The following AFF1 variants were observed in gnomAD, a reference collection of about 807,000 sequenced individuals.
AFF1 encodes the protein ALF transcription elongation factor 1.
Under a neutral mutation model 121.7 loss-of-function variants are expected in AFF1, and 48 were observed. The ratio of observed to expected loss-of-function variants is 0.39; its 90% CI spans 0.31 to 0.50. The LOEUF (loss-of-function observed/expected upper bound fraction) is 0.50. Among genes scored for constraint, AFF1 ranks in the 20% least tolerant of loss-of-function variants. The pLI, the probability that AFF1 is intolerant of heterozygous loss-of-function variation, is 0.76. For synonymous variants in AFF1, 613 were observed against 563.0 expected, an observed-to-expected ratio of 1.09 and a Z score of -1.26; for missense variants, 1,523 against 1,511.7, an observed-to-expected ratio of 1.01 and a Z score of -0.12.
At chr4:86,946,233 C>T (rs1282315588) in intron 1 of AFF1, among the ~76,000 whole-genome samples, 1 of 152,164 alleles carries the variant, frequency 6.6e-6, no homozygotes, top group East Asian at 1.9e-4. Context: ...AACCGCAATA[C>T]CCTACCTTGA....
intron 8 of AFF1, 89 bp from the exon 9 acceptor site, chr4:87,105,539 T>G (rs1725825332): frequency 1.4e-6 from 2 of 1,432,910 alleles, no homozygotes; most frequent in Non-Finnish European, 2.0e-6. Flanking sequence ...CTCTCTTTGT[T>G]TAATTAGGCA....
intron 16 of AFF1, among the ~76,000 whole-genome samples, chr4:87,130,799 A>G (rs564337456): frequency 4.5e-4 from 68 of 152,308 alleles, no homozygotes; most frequent in African/African-American, 1.5e-3. Context: ...CAAGGAGACT[A>G]TGTACTTACT....
At chr4:86,985,180 A>AATATATATATATATATATAT (rs1724119781) in intron 2 of AFF1, among the ~76,000 whole-genome samples, 1 of 55,954 alleles carries the variant, frequency 1.8e-5, no homozygotes, top group African/African-American at 1.1e-4. Flanking sequence ...AATATGTATT[A>AATATATATATATATATATAT]CTATATATAT....
At chr4:86,952,900 T>G (rs1220119900) in intron 2 of AFF1, among the ~76,000 whole-genome samples, 1 of 151,756 alleles carries the variant, frequency 6.6e-6, no homozygotes, top group Non-Finnish European at 1.5e-5. Context: ...AGAGATGTGG[T>G]TTCACCATAT....
At chr4:87,109,739 T>C (rs967262003) in intron 11 of AFF1, among the ~76,000 whole-genome samples, 1 of 152,234 alleles carries the variant, frequency 6.6e-6, no homozygotes, top group African/African-American at 2.4e-5. Flanking sequence ...AGTCTGGCGT[T>C]TGTAGTAATG....
chr4:87,106,053 C>T (rs1725879204), intron 10 of AFF1, among the ~76,000 whole-genome samples: 1 of 152,220 alleles, frequency 6.6e-6, no homozygotes, highest in Admixed American at 6.5e-5. Context: ...GAGCCCCACA[C>T]TCATCTACAT....
intron 2 of AFF1, among the ~76,000 whole-genome samples, chr4:87,020,480 T>A (rs1226065261): frequency 6.6e-6 from 1 of 151,866 alleles, no homozygotes; most frequent in Admixed American, 6.6e-5. Context: ...GATGCCATGT[T>A]TTTGTTTTGT....
At chr4:87,024,410 C>T (rs1560549767) in intron 2 of AFF1, among the ~76,000 whole-genome samples, 1 of 152,100 alleles carries the variant, frequency 6.6e-6, no homozygotes, top group Admixed American at 6.6e-5. Flanking sequence ...TGTTTCCCAG[C>T]GTTAGCCTCT....
At chr4:86,937,786 G>A (rs1720135695) in intron 1 of AFF1, among the ~76,000 whole-genome samples, 1 of 74,830 alleles carries the variant, frequency 1.3e-5, no homozygotes, top group African/African-American at 3.8e-5. Flanking sequence ...TTGGGGTGGG[G>A]GTGGGGGTGG....
At chr4:87,115,852 C>G (rs957606344) in intron 12 of AFF1, among the ~76,000 whole-genome samples, 2 of 151,934 alleles carry the variant, frequency 1.3e-5, no homozygotes, top group African/African-American at 2.4e-5. Context: ...CTCAAGTTAT[C>G]CACCCGCCTC....
chr4:87,032,635 A>G (rs2149585854), intron 2 of AFF1, among the ~76,000 whole-genome samples: 1 of 152,248 alleles, frequency 6.6e-6, no homozygotes, highest in East Asian at 1.9e-4. Flanking sequence ...CTTTTTATGA[A>G]TGTGTCCACA....
At chr4:86,953,859 C>T (rs1721554500) in intron 2 of AFF1, among the ~76,000 whole-genome samples, 1 of 115,118 alleles carries the variant, frequency 8.7e-6, no homozygotes, top group Admixed American at 8.7e-5. Flanking sequence ...AGCTGGCGCA[C>T]CACCACGCCC....
chr4:86,990,548 G>A (rs1724620687), intron 2 of AFF1, among the ~76,000 whole-genome samples: 1 of 152,172 alleles, frequency 6.6e-6, no homozygotes, highest in East Asian at 1.9e-4. Context: ...TGTGGTTTCA[G>A]AGAGGGTGCC....
At chr4:87,042,424 TC>T (rs1344147004) in intron 2 of AFF1, among the ~76,000 whole-genome samples, 9 of 152,204 alleles carry the variant, frequency 5.9e-5, no homozygotes, top group Non-Finnish European at 1.0e-4. Context: ...TCCTGCCTCT[TC>T]GGTCTTCCTC....
At chr4:86,986,680 C>A (rs536751507) in intron 2 of AFF1, among the ~76,000 whole-genome samples, 1 of 152,034 alleles carries the variant, frequency 6.6e-6, no homozygotes, top group South Asian at 2.1e-4. Flanking sequence ...ACATATCAAC[C>A]CTTAATAAAA....
At chr4:87,105,519 C>A in intron 8 of AFF1, 109 bp from the exon 9 acceptor site, 2 of 1,215,128 alleles carry the variant, frequency 1.6e-6, no homozygotes, top group Non-Finnish European at 2.4e-6. Context: ...AGAAAACTTA[C>A]ACATATCCTC....
At chr4:87,043,027 G>A (rs552201669) in intron 2 of AFF1, among the ~76,000 whole-genome samples, 1 of 152,340 alleles carries the variant, frequency 6.6e-6, no homozygotes, top group South Asian at 2.1e-4. Context: ...TGAGGACTCT[G>A]AGCAGCCTGT....
chr4:87,060,866 A>AAAAAAAC (rs1560586054), intron 4 of AFF1, among the ~76,000 whole-genome samples: 6 of 48,512 alleles, frequency 1.2e-4, no homozygotes, highest in Non-Finnish European at 1.6e-4. Flanking sequence ...AAAAAAAAAA[A>AAAAAAAC]ACACAAAAAA....
At chr4:87,026,245 G>A (rs767539049) in intron 2 of AFF1, among the ~76,000 whole-genome samples, 41 of 152,050 alleles carry the variant, frequency 2.7e-4, no homozygotes, top group Non-Finnish European at 4.4e-4. Flanking sequence ...TTAAAAATTT[G>A]CCATGCACAC....
Sources: gnomAD v4.1 joint callset for allele counts (sites outside exome capture counted in the v4.1 genomes callset) on GRCh38, gnomAD v4.1.1 for gene constraint, MANE v1.5 for transcripts, NCBI Gene and HGNC (gene_info 2026-07-23, HGNC 2026-07-21) for gene names.